Variants in ARSG observed in about 807,000 individuals in gnomAD.
ARSG encodes the protein ASG.
In ARSG, 37 loss-of-function variants were observed where a neutral mutation model predicts 50.5. That is an observed-to-expected ratio of 0.73 (90% CI 0.56 to 0.96). The LOEUF (loss-of-function observed/expected upper bound fraction) is 0.96, where lower values mean the gene tolerates loss of function less well. Ranked by LOEUF, ARSG falls within the 50% of genes least tolerant of loss-of-function variation. ARSG has a pLI of 0.00. For synonymous variants in ARSG, 225 were observed against 254.6 expected, an observed-to-expected ratio of 0.88 and a Z score of 1.11; for missense variants, 629 against 675.3, an observed-to-expected ratio of 0.93 and a Z score of 0.76.
Position 68,385,223 on chromosome 17 carries a change from CATGGAGGCATGGGTGGCTAG to C in ARSG, c.1091+93_1091+112del, listed in dbSNP as rs530735736. On this transcript the variant is annotated intron_variant, in intron 9 of 11. Transcript: ENST00000621439. ...TGTTGGGGCCCAGAGCAAGAAAAGT[CATGGAGGCATGGGTGGCTAG>C]ATGGAGGCATGGGTGGCTAGATGGA... The C allele has an allele frequency of 4.5e-4, 682 of 1,529,738 alleles. 2 individuals are homozygous for C. Among genetic ancestry groups the C allele is most frequent in the South Asian group, 1.1e-3 (101 of 88,946 alleles). 94.8% of individuals were successfully genotyped at this position (1,529,738 alleles called of 1,614,324 possible).
At chr17:68,403,882 C>T (rs570577426) in intron 11 of ARSG, among the ~76,000 whole-genome samples, 24 of 152,094 alleles carry the variant, frequency 1.6e-4, no homozygotes, top group Non-Finnish European at 1.3e-4. Flanking sequence ...CGACAGGCCC[C>T]GGTGTGTGAT....
intron 2 of ARSG, among the ~76,000 whole-genome samples, chr17:68,309,910 A>G (rs1361761096): frequency 3.3e-5 from 5 of 152,002 alleles, no homozygotes; most frequent in Non-Finnish European, 7.4e-5. Context: ...AGAAAGGGAA[A>G]TAAGAATTAT....
rs771208277 is a variant in ARSG at position 68,356,661 on chromosome 17, A to G, written c.567-6A>G. 2 of 1,614,220 alleles carry G rather than the reference A, an allele frequency of 1.2e-6. No homozygotes were observed. The highest frequency in any genetic ancestry group is 4.5e-5 in the East Asian group (2 of 44,884). On this transcript the variant is annotated splice_region_variant and splice_polypyrimidine_tract_variant and intron_variant, in intron 5 of 11. Coordinates refer to ENST00000621439, the MANE Select transcript of ARSG (RefSeq NM_001267727.2). ...GAATACTCTATGGTCTGTGGTTTCCACACAGGAACCTTCAAAGAGACTGTT... is the reference window on the plus strand; with the variant it reads ...GAATACTCTATGGTCTGTGGTTTCCGCACAGGAACCTTCAAAGAGACTGTT...
intron 10 of ARSG, among the ~76,000 whole-genome samples, chr17:68,397,476 T>C (rs1203597626): frequency 2.7e-5 from 4 of 149,514 alleles, no homozygotes; most frequent in Non-Finnish European, 5.9e-5. Flanking sequence ...GAGGACAACA[T>C]GGGTAGTTGC....
chr17:68,352,917 G>T (rs1415212913), intron 5 of ARSG, among the ~76,000 whole-genome samples: 1 of 152,074 alleles, frequency 6.6e-6, no homozygotes, highest in African/African-American at 2.4e-5. Flanking sequence ...CCTCACTCAG[G>T]TAATAAAGCA....
intron 11 of ARSG, 138 bp downstream of exon 11, chr17:68,401,588 C>T: frequency 1.4e-6 from 1 of 699,162 alleles, no homozygotes; most frequent in South Asian, 1.9e-5. Context: ...ACAAGCGTCT[C>T]CTCCAAACCC....
At chr17:68,269,525 A>G (rs1409383075) in intron 1 of ARSG, among the ~76,000 whole-genome samples, 1 of 143,954 alleles carries the variant, frequency 6.9e-6, no homozygotes, top group Admixed American at 7.2e-5. Context: ...GGAGAAAGAG[A>G]CAAACACCCA....
intron 1 of ARSG, chr17:68,278,359 A>C (rs1555751725): frequency 1.4e-6 from 2 of 1,419,864 alleles, no homozygotes; most frequent in Non-Finnish European, 9.9e-7. Context: ...AATTCAGATC[A>C]GCAATAGCAT....
chr17:68,325,777 T>C (rs1326192316), intron 2 of ARSG, among the ~76,000 whole-genome samples: 1 of 152,222 alleles, frequency 6.6e-6, no homozygotes, highest in African/African-American at 2.4e-5. Flanking sequence ...TGCCTGCTTA[T>C]AGCTTGATAT....
chr17:68,266,680 G>A (rs1361895667), intron 1 of ARSG, among the ~76,000 whole-genome samples: 37 of 151,476 alleles, frequency 2.4e-4, no homozygotes, highest in African/African-American at 8.0e-4. Context: ...GCATGGTGGC[G>A]GGCACCTGTA....
At chr17:68,269,714 C>T (rs1298387090) in intron 1 of ARSG, among the ~76,000 whole-genome samples, 1 of 53,056 alleles carries the variant, frequency 1.9e-5, no homozygotes, top group East Asian at 7.0e-4. Context: ...ATTCTTGTTG[C>T]CCCAGGTGGA....
rs755040817 is a variant in ARSG at position 68,352,163 on chromosome 17, CAG to C, written c.566+497_566+498del. 2.4e-3 allele frequency among the ~76,000 whole-genome samples: 108 copies of C among 44,280 alleles called. No individual in the cohort carries two copies. The Middle Eastern group carries it at 0.041, about 17-fold the overall frequency. The allele number at this position is 44,280 out of a possible 152,430, so 29.0% of individuals were successfully genotyped here. On this transcript the variant is annotated intron_variant, in intron 5 of 11. Coordinates refer to ENST00000621439, the MANE Select transcript of ARSG (RefSeq NM_001267727.2). Reference sequence around the variant, plus strand: ...CAGAGGAGAGAGAGAGAGAGAGAGACAGAGAGAGAGAGAGAGAGAGACAGAGA... The same window carrying C: ...CAGAGGAGAGAGAGAGAGAGAGAGACAGAGAGAGAGAGAGAGAGACAGAGA...
chr17:68,307,957 A>G (rs1555765072), intron 2 of ARSG, among the ~76,000 whole-genome samples: 1 of 152,182 alleles, frequency 6.6e-6, no homozygotes, highest in Non-Finnish European at 1.5e-5. Flanking sequence ...TGAACAAGAT[A>G]AAACATTTTT....
chr17:68,334,574 T>C (rs2077928296), intron 2 of ARSG, among the ~76,000 whole-genome samples: 3 of 152,056 alleles, frequency 2.0e-5, no homozygotes, highest in Admixed American at 2.0e-4. Flanking sequence ...CGGTGAGGAA[T>C]TCAGGCACTC....
intron 1 of ARSG, among the ~76,000 whole-genome samples, chr17:68,298,177 T>G (rs1267044102): frequency 1.3e-5 from 2 of 152,182 alleles, no homozygotes; most frequent in Non-Finnish European, 2.9e-5. Flanking sequence ...GCTAAGTAAC[T>G]GCTTCACTAA....
At position 68,385,154 on chromosome 17, in the gene ARSG, C is replaced by T; in HGVS notation, c.1073C>T (p.Thr358Ile). The T allele has an allele frequency of 6.2e-7, 1 of 1,613,850 alleles. No individual in the cohort carries two copies. The highest frequency in any genetic ancestry group is 8.5e-7 in the Non-Finnish European group (1 of 1,179,852). The change falls in exon 9 of 12, where the codon ACC becomes ATC. Residue 358 changes from threonine to isoleucine, a missense_variant. Coordinates refer to ENST00000621439, the MANE Select transcript of ARSG (RefSeq NM_001267727.2). ...CCTGGCAGAGTTCCAGTTAATGTCA[C>T]CAGCACTGCCTTGTTAAGGTATGAG... ...YWPGRVPVNV[T>I]STALLSVLDI...
intron 8 of ARSG, among the ~76,000 whole-genome samples, chr17:68,372,877 ATTTTTTTTTTTTTTTTTT>A (rs55668215): frequency 0.013 from 1,202 of 93,300 alleles, 38 homozygotes; most frequent in African/African-American, 0.046. Context: ...GGAAATGCTG[ATTTTTTTTTTTTTTTTTT>A]TTTTTTTTTT....
At chr17:68,293,663 C>G (rs1242129078) in intron 1 of ARSG, among the ~76,000 whole-genome samples, 1 of 152,156 alleles carries the variant, frequency 6.6e-6, no homozygotes, top group Non-Finnish European at 1.5e-5. Context: ...AGTTGACACT[C>G]ATTATTCCCA....
At chr17:68,376,960 A>G (rs1291700978) in intron 8 of ARSG, among the ~76,000 whole-genome samples, 1 of 152,004 alleles carries the variant, frequency 6.6e-6, no homozygotes, top group East Asian at 1.9e-4. Flanking sequence ...TCCAGGTTCA[A>G]GCGATTCTCC....
Sources: gnomAD v4.1 joint callset for allele counts (sites outside exome capture counted in the v4.1 genomes callset) on GRCh38, gnomAD v4.1.1 for gene constraint, MANE v1.5 for transcripts, NCBI Gene and HGNC (gene_info 2026-07-23, HGNC 2026-07-21) for gene names.